Variants in CELF2 observed in about 807,000 individuals in gnomAD.
The protein encoded by CELF2 is CUG triplet repeat RNA-binding protein 2.
In CELF2, 8 loss-of-function variants were observed where a neutral mutation model predicts 62.6. That is an observed-to-expected ratio of 0.13 (90% CI 0.07 to 0.23). The LOEUF (loss-of-function observed/expected upper bound fraction) is 0.23, where lower values mean the gene tolerates loss of function less well. CELF2 is among the 10% of genes least tolerant of loss of function. The pLI, the probability that CELF2 is intolerant of heterozygous loss-of-function variation, is 1.00. For synonymous variants in CELF2, 258 were observed against 250.0 expected, an observed-to-expected ratio of 1.03 and a Z score of -0.30; for missense variants, 333 against 671.0, an observed-to-expected ratio of 0.50 and a Z score of 5.56.
At chr10:10,654,089 C>T in the CELF2 span, among the ~76,000 whole-genome samples, 1 of 147,674 alleles carries the variant, frequency 6.8e-6, no homozygotes, top group Non-Finnish European at 1.5e-5. Context: ...ACTACAAACA[C>T]CTCTACGCAA....
At chr10:10,621,161 G>A in the CELF2 span, among the ~76,000 whole-genome samples, 2 of 149,326 alleles carry the variant, frequency 1.3e-5, no homozygotes, top group Admixed American at 6.7e-5. Flanking sequence ...GGAGAATGGC[G>A]TGAACCCAGG....
the CELF2 span, among the ~76,000 whole-genome samples, chr10:10,522,026 G>A: frequency 2.1e-3 from 321 of 152,274 alleles, 1 homozygote; most frequent in African/African-American, 7.2e-3. Context: ...GTTTCAAGAC[G>A]TGGCATCTCC....
the CELF2 span, among the ~76,000 whole-genome samples, chr10:10,700,992 A>G: frequency 2.0e-5 from 3 of 152,120 alleles, no homozygotes; most frequent in Non-Finnish European, 4.4e-5. Context: ...CTGCACTTCA[A>G]CTCAAGGACC....
the CELF2 span, among the ~76,000 whole-genome samples, chr10:10,709,684 T>C: frequency 7.9e-5 from 12 of 152,344 alleles, no homozygotes; most frequent in East Asian, 2.3e-3. Context: ...TTCTGATCAC[T>C]GTTTAACAGG....
chr10:10,584,355 G>A, the CELF2 span, among the ~76,000 whole-genome samples: 1 of 152,180 alleles, frequency 6.6e-6, no homozygotes, highest in Non-Finnish European at 1.5e-5. Flanking sequence ...TTGAAGTGAG[G>A]TACAGAACTG....
chr10:11,134,859 G>A (rs1406725209), intron 1 of CELF2, among the ~76,000 whole-genome samples: 1 of 152,156 alleles, frequency 6.6e-6, no homozygotes, highest in Non-Finnish European at 1.5e-5. Flanking sequence ...TCTAAGGAGG[G>A]GCACGTGTCT....
intron 2 of CELF2, among the ~76,000 whole-genome samples, chr10:10,980,941 C>T (rs547104779): frequency 6.6e-6 from 1 of 152,060 alleles, no homozygotes; most frequent in Non-Finnish European, 1.5e-5. Context: ...CTTTTGATAG[C>T]GCTACTCATT....
At chr10:10,516,035 A>C in the CELF2 span, among the ~76,000 whole-genome samples, 1 of 152,330 alleles carries the variant, frequency 6.6e-6, no homozygotes, top group Non-Finnish European at 1.5e-5. Flanking sequence ...AACCATGGAA[A>C]GCAGATACTG....
intron 1 of CELF2, among the ~76,000 whole-genome samples, chr10:11,073,654 G>A (rs1455910951): frequency 6.6e-6 from 1 of 152,226 alleles, no homozygotes; most frequent in East Asian, 1.9e-4. Context: ...GTGGTTCACT[G>A]GTTAACGGTG....
In CELF2 at chr10:11,268,125, C is replaced by T. The variant is rs1012737713; in HGVS notation, c.618+1448C>T. On this transcript the variant is annotated intron_variant, in intron 6 of 12. Transcript: ENST00000633077. The surrounding 1 kb of genome is among the most constrained non-coding windows in gnomAD (Gnocchi z 4.7). ...GATGGCGTTTTGCTTCCCTCTTTCT[C>T]TTACTGAGGCCGCTCCATTCCTGTG... is the stretch of plus-strand genomic sequence containing the variant. Among the ~76,000 whole-genome samples, 9 of 152,148 alleles carry T rather than the reference C, an allele frequency of 5.9e-5. No individual in the cohort carries two copies. In the East Asian group the frequency reaches 1.7e-3, roughly 29 times the overall value.
In CELF2 at chr10:10,943,953, C is replaced by G. The variant is rs913637959; in HGVS notation, c.89+23954C>G. Among the ~76,000 whole-genome samples the G allele has an allele frequency of 2.6e-5, 4 of 152,132 alleles. 1 individual carries two copies. Among genetic ancestry groups the G allele is most frequent in the African/African-American group, 9.7e-5 (4 of 41,442 alleles). The stretch of plus-strand genomic sequence containing the variant: ...GAAACTTGACCATGTGAGGGTGGAC[C>G]AGCCATGCCTTAAAAAGTAGTTCTC... On this transcript the variant is annotated intron_variant, in intron 2 of 13. Coordinates refer to the CELF2 transcript ENST00000636488.
chr10:10,920,330 G>A (rs2064773608), intron 2 of CELF2, among the ~76,000 whole-genome samples: 1 of 152,080 alleles, frequency 6.6e-6, no homozygotes, highest in South Asian at 2.1e-4. Context: ...ACGGGAATTG[G>A]CAATCGAAAA....
At chr10:11,122,029 C>A (rs987415597) in intron 1 of CELF2, among the ~76,000 whole-genome samples, 27 of 152,178 alleles carry the variant, frequency 1.8e-4, no homozygotes, top group African/African-American at 6.5e-4. Flanking sequence ...GAATCTGGAA[C>A]GCTCCACACC....
chr10:10,818,889 T>G (rs959970596), intron 1 of CELF2, among the ~76,000 whole-genome samples: 2 of 152,172 alleles, frequency 1.3e-5, no homozygotes, highest in African/African-American at 4.8e-5. Flanking sequence ...GCGTGGCATA[T>G]TTCCTTCAGA....
At position 11,333,138 on chromosome 10, in the gene CELF2, G is replaced by A. The variant is rs984418691; in HGVS notation, c.*4085G>A. 2 of 152,238 alleles carry A rather than the reference G, an allele frequency of 1.3e-5. No individual in the cohort carries two copies. Among genetic ancestry groups the A allele is most frequent in the African/African-American group, 4.8e-5 (2 of 41,444 alleles). 9.4% of individuals were successfully genotyped at this position (152,238 alleles called of 1,614,324 possible). ...TCCCCCAGAGGAAACACTGAGGGTA[G>A]GGGACAGGAGGCTCAGGACGCGCCC... is the stretch of plus-strand genomic sequence containing the variant. On this transcript the variant is annotated 3_prime_UTR_variant, in exon 13 of 13. Transcript: ENST00000633077.
At position 11,227,312 on chromosome 10, in the gene CELF2, C is replaced by T. The variant is rs2066961610; in HGVS notation, c.354+9805C>T. Among the ~76,000 whole-genome samples the T allele has an allele frequency of 6.6e-6, 1 of 152,224 alleles. No homozygotes were observed. Among genetic ancestry groups the T allele is most frequent in the Non-Finnish European group, 1.5e-5 (1 of 68,036 alleles). The stretch of plus-strand genomic sequence containing the variant: ...AAGCTTCTGAATCTGCTGCTGCCGA[C>T]AAGGGACCAGACTCACCACCACAAA... On this transcript the variant is annotated intron_variant, in intron 3 of 12. Coordinates refer to ENST00000633077, the MANE Select transcript of CELF2 (RefSeq NM_001326342.2). This position sits in a 1 kb window ranked among gnomAD's most constrained non-coding sequence, Gnocchi z 4.8.
upstream of CELF2, chr10:10,795,073 CTTTA>C (rs1331644934): frequency 6.6e-6 from 1 of 151,860 alleles, no homozygotes; most frequent in East Asian, 1.9e-4. Flanking sequence ...AAACAGTGGG[CTTTA>C]TTTTTGTTTG....
At chr10:10,558,516 C>A in the CELF2 span, among the ~76,000 whole-genome samples, 1 of 151,990 alleles carries the variant, frequency 6.6e-6, no homozygotes. Context: ...TGTGTCTCTG[C>A]CCGGCTTTGG....
the CELF2 span, among the ~76,000 whole-genome samples, chr10:10,549,110 T>C: frequency 6.6e-6 from 1 of 152,214 alleles, no homozygotes; most frequent in African/African-American, 2.4e-5. Context: ...TTCTCATTTA[T>C]GAAATGGAGA....
Sources: gnomAD v4.1 joint callset for allele counts (sites outside exome capture counted in the v4.1 genomes callset) on GRCh38, gnomAD v4.1.1 for gene constraint, Gnocchi (gnomAD v3.1) non-coding constraint, MANE v1.5 for transcripts, NCBI Gene and HGNC (gene_info 2026-07-23, HGNC 2026-07-21) for gene names.